TTC39C: variants seen among roughly 807,000 people sequenced by gnomAD.
TTC39C encodes tetratricopeptide repeat domain 39C, also known as tetratricopeptide repeat protein 39C.
TTC39C carries 33 observed loss-of-function variants against 76.3 expected under a neutral mutation model. That is an observed-to-expected ratio of 0.43 (90% confidence interval 0.33 to 0.58). TTC39C has a LOEUF of 0.58. TTC39C is among the 20% of genes least tolerant of loss of function. The pLI is 0.04. For missense variants in TTC39C, 595 were observed against 701.4 expected (o/e 0.85, Z 1.71); for synonymous variants, 254 against 260.6 (o/e 0.97, Z 0.24).
intron 6 of TTC39C, among the ~76,000 whole-genome samples, chr18:24,085,706 T>C (rs1164364766): frequency 6.6e-6 from 1 of 152,234 alleles, no homozygotes; most frequent in African/African-American, 2.4e-5. Context: ...GGGTAGGTGC[T>C]AGAACTCCTT....
At chr18:24,023,946 G>T (rs201120467) in intron 1 of TTC39C, among the ~76,000 whole-genome samples, 2 of 16,580 alleles carry the variant, frequency 1.2e-4, no homozygotes, top group South Asian at 2.4e-3. Context: ...ATATATATAT[G>T]CATGTATATA....
intron 1 of TTC39C, among the ~76,000 whole-genome samples, chr18:24,004,551 TGGTTA>T (rs1337691417): frequency 6.6e-6 from 1 of 152,224 alleles, no homozygotes; most frequent in Non-Finnish European, 1.5e-5. Flanking sequence ...CCTTCTGACC[TGGTTA>T]CCCTTGTGTG....
intron 6 of TTC39C, among the ~76,000 whole-genome samples, chr18:24,097,633 T>C (rs2084607136): frequency 1.3e-5 from 2 of 152,226 alleles, no homozygotes; most frequent in Middle Eastern, 3.2e-3. Context: ...TCTTTGCAAA[T>C]CTGTGTAGAT....
At chr18:24,068,072 T>G (rs1410177293) in intron 3 of TTC39C, among the ~76,000 whole-genome samples, 3 of 152,228 alleles carry the variant, frequency 2.0e-5, no homozygotes, top group Admixed American at 1.3e-4. Flanking sequence ...TAATATGGTC[T>G]ATATTTTGTC....
chr18:24,040,949 A>T (rs528671136), intron 1 of TTC39C, among the ~76,000 whole-genome samples: 1 of 152,332 alleles, frequency 6.6e-6, no homozygotes, highest in South Asian at 2.1e-4. Flanking sequence ...TATAGATTGT[A>T]GGAGGGATTA....
rs746895142 is a variant in TTC39C at position 24,066,055 on chromosome 18, G to A, written c.260G>A (p.Cys87Tyr). 4.4e-6 allele frequency: 7 copies of A among 1,600,052 alleles called. No individual in the cohort carries two copies. The highest frequency in any genetic ancestry group is 1.1e-5 in the South Asian group (1 of 87,620). The change falls in exon 3 of 14, where the codon TGT (cysteine) becomes TAT (tyrosine). Residue 87 changes from cysteine (C) to tyrosine (Y), a missense_variant. Transcript: ENST00000317571. ...GAGGAAGAAAAAATGCAGTTGGCAT[G>A]TGATGACTTAAAAACCACAGAAAAA... Reference protein sequence around the residue: ...TFEEEKMQLACDDLKTTEKLC... With the variant: ...TFEEEKMQLAYDDLKTTEKLC...
chr18:24,122,500 C>CAAAAAAAAAAAAAAAAAAA (rs36002596), intron 8 of TTC39C, among the ~76,000 whole-genome samples: 2 of 51,042 alleles, frequency 3.9e-5, no homozygotes, highest in African/African-American at 9.9e-5. Context: ...GACTCCATCT[C>CAAAAAAAAAAAAAAAAAAA]AAAAAAAAAA....
At chr18:24,054,426 G>A (rs1396428930) in intron 1 of TTC39C, among the ~76,000 whole-genome samples, 2 of 152,216 alleles carry the variant, frequency 1.3e-5, no homozygotes, top group African/African-American at 2.4e-5. Context: ...TAAAAGGAGT[G>A]TAAATGTAGG....
chr18:24,110,212 G>A (rs1206611250), intron 6 of TTC39C, among the ~76,000 whole-genome samples: 1 of 152,158 alleles, frequency 6.6e-6, no homozygotes, highest in Non-Finnish European at 1.5e-5. Context: ...TTAATAAAAT[G>A]TACTACTCAA....
chr18:24,027,512 T>C (rs1178078777), intron 1 of TTC39C, among the ~76,000 whole-genome samples: 1 of 151,588 alleles, frequency 6.6e-6, no homozygotes, highest in African/African-American at 2.4e-5. Flanking sequence ...AGGCCTAAAA[T>C]AAAGTAGCAT....
chr18:24,050,563 CAAAAAA>C (rs67885761), intron 1 of TTC39C, among the ~76,000 whole-genome samples: 7 of 77,104 alleles, frequency 9.1e-5, no homozygotes, highest in Non-Finnish European at 1.2e-4. Context: ...GACCCTGTCT[CAAAAAA>C]AAAAAAAAAA....
intron 6 of TTC39C, chr18:24,114,224 G>A (rs191734922): frequency 9.2e-5 from 25 of 272,308 alleles, no homozygotes; most frequent in African/African-American, 4.7e-4. Flanking sequence ...AGAAGGCGGC[G>A]CGAGCTGAGC....
intron 9 of TTC39C, 23 bp downstream of exon 9, chr18:24,123,966 G>T: frequency 1.3e-6 from 2 of 1,546,110 alleles, no homozygotes; most frequent in East Asian, 2.3e-5. Context: ...CTATTGATCT[G>T]GTGTATTACT....
intron 1 of TTC39C, among the ~76,000 whole-genome samples, chr18:24,004,801 C>T (rs752891500): frequency 1.3e-5 from 2 of 152,232 alleles, no homozygotes; most frequent in South Asian, 4.2e-4. Flanking sequence ...CTAAGGGTAA[C>T]AAATCAGGCA....
chr18:24,066,923 C>T (rs1016836359), intron 3 of TTC39C, among the ~76,000 whole-genome samples: 1 of 152,128 alleles, frequency 6.6e-6, no homozygotes, highest in Non-Finnish European at 1.5e-5. Context: ...TTATTACAAA[C>T]GAGGAAACAG....
chr18:24,033,665 G>A (rs925932205), intron 1 of TTC39C, among the ~76,000 whole-genome samples: 3 of 152,204 alleles, frequency 2.0e-5, no homozygotes, highest in African/African-American at 7.2e-5. Flanking sequence ...CAATAACACA[G>A]TTCAATTTTC....
chr18:24,052,694 C>T (rs1050704074), intron 1 of TTC39C, among the ~76,000 whole-genome samples: 2 of 152,172 alleles, frequency 1.3e-5, no homozygotes, highest in Admixed American at 6.5e-5. Flanking sequence ...TTCTTACTCA[C>T]CCTCCTAGTT....
At chr18:24,009,721 G>A (rs958360806) in intron 1 of TTC39C, among the ~76,000 whole-genome samples, 3 of 152,234 alleles carry the variant, frequency 2.0e-5, no homozygotes, top group African/African-American at 7.2e-5. Context: ...GTGGAGGAGA[G>A]ACAATGCCTT....
intron 1 of TTC39C, among the ~76,000 whole-genome samples, chr18:24,045,924 TA>T (rs1568417511): frequency 6.0e-4 from 15 of 25,134 alleles, no homozygotes; most frequent in African/African-American, 2.3e-3. Flanking sequence ...TATATATATA[TA>T]TATTTTTTTT....
Sources: allele counts gnomAD v4.1 joint callset (sites outside exome capture counted in the v4.1 genomes callset), GRCh38; gene constraint gnomAD v4.1.1; transcripts MANE v1.5; gene names NCBI Gene and HGNC (gene_info 2026-07-23, HGNC 2026-07-21).